The following ZNF566 variants were observed in gnomAD, a reference collection of about 807,000 sequenced individuals.
The protein encoded by ZNF566 is zinc finger protein 566.
A neutral mutation model predicts 32.8 loss-of-function variants in ZNF566; 27 were observed. The observed-to-expected ratio is 0.82, with a 90% CI of 0.61 to 1.14. The LOEUF is 1.14. ZNF566 is among the 50% of genes most tolerant of loss of function. ZNF566 has a pLI of 0.00. For missense variants in ZNF566, 402 were observed against 490.4 expected, an observed-to-expected ratio of 0.82 and a Z score of 1.70; for synonymous variants, 154 against 159.5, an observed-to-expected ratio of 0.97 and a Z score of 0.26.
At chr19:36,471,453 C>T (rs1452287069) in intron 4 of ZNF566, among the ~76,000 whole-genome samples, 1 of 152,104 alleles carries the variant, frequency 6.6e-6, no homozygotes, top group Non-Finnish European at 1.5e-5. Flanking sequence ...AGCCAACGCA[C>T]AGCTGCCTCA....
chr19:36,487,236 T>C (rs2034190246), intron 1 of ZNF566, among the ~76,000 whole-genome samples: 1 of 152,066 alleles, frequency 6.6e-6, no homozygotes, highest in South Asian at 2.1e-4. Context: ...GGAACTCTCA[T>C]ACATTGCTGG....
chr19:36,473,652 A>G (rs557305417), intron 2 of ZNF566, among the ~76,000 whole-genome samples, 194 bp from the exon 3 acceptor site: 10 of 152,304 alleles, frequency 6.6e-5, no homozygotes, highest in Non-Finnish European at 8.8e-5. Context: ...GTTTCCTCCA[A>G]ATGAAACTGC....
In ZNF566 at chr19:36,455,507, C is replaced by T. The variant is rs552390675; in HGVS notation, c.233-5506G>A. ...CTGTAATTCCCGCACTTTGGGAGGC[C>T]GAGGCGGGCAGATTACTTGAGGTCA... On this transcript the variant is annotated intron_variant, in intron 4 of 4. Coordinates refer to ENST00000452939, the MANE Select transcript of ZNF566 (RefSeq NM_001145344.1). Among the ~76,000 whole-genome samples, 13 of 152,198 alleles carry T rather than the reference C, an allele frequency of 8.5e-5. No homozygotes were observed. In the East Asian group the frequency reaches 2.5e-3, roughly 29 times the overall value.
chr19:36,480,274 T>A (rs1056951700), intron 1 of ZNF566, among the ~76,000 whole-genome samples: 1 of 149,676 alleles, frequency 6.7e-6, no homozygotes, highest in Non-Finnish European at 1.5e-5. Flanking sequence ...AAAGACTCCA[T>A]GCAATTTTTT....
intron 4 of ZNF566, among the ~76,000 whole-genome samples, chr19:36,460,912 T>A (rs1191941982): frequency 6.6e-6 from 1 of 152,180 alleles, no homozygotes; most frequent in Non-Finnish European, 1.5e-5. Flanking sequence ...CAATAATTTA[T>A]TGTGCTGAAA....
intron 2 of ZNF566, chr19:36,476,009 T>A (rs2033874823): frequency 1.3e-5 from 2 of 152,126 alleles, no homozygotes; most frequent in African/African-American, 4.8e-5. Flanking sequence ...TAACAGTGAA[T>A]TAATATAAAT....
chr19:36,472,492 A>G (rs1437321268), intron 4 of ZNF566, among the ~76,000 whole-genome samples: 1 of 152,226 alleles, frequency 6.6e-6, no homozygotes, highest in Non-Finnish European at 1.5e-5. Flanking sequence ...AAAAATATGA[A>G]TGAATCAATG....
intron 4 of ZNF566, among the ~76,000 whole-genome samples, chr19:36,459,834 T>C (rs76628463): frequency 6.6e-6 from 1 of 151,160 alleles, no homozygotes; most frequent in Non-Finnish European, 1.5e-5. Flanking sequence ...TTTTTTTTTT[T>C]TTGAGACAGA....
intron 4 of ZNF566, among the ~76,000 whole-genome samples, chr19:36,468,530 T>G (rs1184756030): frequency 6.6e-6 from 1 of 151,458 alleles, no homozygotes; most frequent in East Asian, 1.9e-4. Flanking sequence ...CACTTGAATC[T>G]TGGAGGCAGA....
chr19:36,488,053 A>C, intron 1 of ZNF566, among the ~76,000 whole-genome samples: 1 of 152,086 alleles, frequency 6.6e-6, no homozygotes, highest in East Asian at 1.9e-4. Context: ...AGTGTTACAC[A>C]GCTGTACACT....
At chr19:36,462,540 C>T (rs1361824422) in intron 4 of ZNF566, among the ~76,000 whole-genome samples, 1 of 151,928 alleles carries the variant, frequency 6.6e-6, no homozygotes, top group African/African-American at 2.4e-5. Flanking sequence ...GTTCCTATTC[C>T]TTGTAGTTTT....
intron 1 of ZNF566, among the ~76,000 whole-genome samples, chr19:36,477,549 G>T (rs2945981): frequency 0.48 from 53,440 of 112,146 alleles, 13,898 homozygotes; most frequent in African/African-American, 0.53. Context: ...TTGTTTGTTT[G>T]TTTTTTTGAG....
chr19:36,477,584 G>A (rs963846659), intron 1 of ZNF566, among the ~76,000 whole-genome samples: 8 of 138,822 alleles, frequency 5.8e-5, no homozygotes, highest in African/African-American at 2.2e-4. Flanking sequence ...TGTCGCCCAG[G>A]CTGGAGTGCA....
intron 1 of ZNF566, among the ~76,000 whole-genome samples, chr19:36,480,186 CAATA>C (rs1031678282): frequency 4.6e-5 from 7 of 151,790 alleles, no homozygotes; most frequent in African/African-American, 1.7e-4. Context: ...ACAGACAAAA[CAATA>C]AAACCAAATA....
intron 1 of ZNF566, among the ~76,000 whole-genome samples, chr19:36,477,526 G>GTTTTTTTTTCTTTTTTTT (rs2033919929): frequency 9.3e-6 from 1 of 107,002 alleles, no homozygotes; most frequent in Non-Finnish European, 2.0e-5. Flanking sequence ...TTCTGTTTCT[G>GTTTTTTTTTCTTTTTTTT]TTTTTTTTTT....
chr19:36,462,082 G>A (rs188730379), intron 4 of ZNF566, among the ~76,000 whole-genome samples: 14 of 149,470 alleles, frequency 9.4e-5, no homozygotes, highest in African/African-American at 2.5e-4. Context: ...TCTGCCTCCC[G>A]GGTTCAAGCA....
chr19:36,462,847 C>G (rs2033505224), intron 4 of ZNF566, among the ~76,000 whole-genome samples: 1 of 148,558 alleles, frequency 6.7e-6, no homozygotes, highest in South Asian at 2.1e-4. Context: ...ATCCAAGCTA[C>G]TCGAGAGGCT....
chr19:36,462,201 T>G (rs1040178165), intron 4 of ZNF566, among the ~76,000 whole-genome samples: 3 of 152,090 alleles, frequency 2.0e-5, no homozygotes, highest in African/African-American at 7.2e-5. Flanking sequence ...TTGGTCAGGC[T>G]GGTCTTGAAC....
chr19:36,473,110 CAAAG>C, intron 3 of ZNF566, 104 bp from the exon 4 acceptor site: 1 of 1,176,870 alleles, frequency 8.5e-7, no homozygotes, highest in Non-Finnish European at 1.2e-6. Context: ...TGAGAAGAGT[CAAAG>C]AGAGGTACAA....
Sources: allele counts gnomAD v4.1 joint callset (sites outside exome capture counted in the v4.1 genomes callset), GRCh38; gene constraint gnomAD v4.1.1; transcripts MANE v1.5; gene names NCBI Gene and HGNC (gene_info 2026-07-23, HGNC 2026-07-21).